NKAIN2: variants seen among roughly 807,000 people sequenced by gnomAD.
NKAIN2 encodes the protein sodium/potassium transporting ATPase interacting 2.
A neutral mutation model predicts 32.6 loss-of-function variants in NKAIN2; 14 were observed. That is an observed-to-expected ratio of 0.43 (90% CI 0.28 to 0.67). NKAIN2 has a LOEUF of 0.67. Among genes scored for constraint, NKAIN2 ranks in the 30% least tolerant of loss-of-function variants. The pLI, the probability that NKAIN2 is intolerant of heterozygous loss-of-function variation, is 0.17. For synonymous variants in NKAIN2, 80 were observed against 87.2 expected, an observed-to-expected ratio of 0.92 and a Z score of 0.46; for missense variants, 198 against 258.3, an observed-to-expected ratio of 0.77 and a Z score of 1.60.
intron 4 of NKAIN2, among the ~76,000 whole-genome samples, chr6:124,679,673 A>G (rs764476790): frequency 7.2e-5 from 11 of 152,184 alleles, no homozygotes; most frequent in Non-Finnish European, 1.3e-4. Flanking sequence ...TTATTCTACC[A>G]TCTGATGATG....
rs567950426 is a variant in NKAIN2, at chr6:124,098,642, G to A, written c.55-184363G>A. 2.9e-4 allele frequency among the ~76,000 whole-genome samples: 44 copies of A among 152,162 alleles called. 1 individual carries two copies. The South Asian group carries it at 7.5e-3, about 26-fold the overall frequency. ...TCCCAGCACTTTGGGAGGACAAGGC[G>A]GGTGGATCATGAGGTCAGGAATTTG... On this transcript the variant is annotated intron_variant, in intron 1 of 6. Coordinates refer to ENST00000368417, the MANE Select transcript of NKAIN2 (RefSeq NM_001040214.3).
chr6:124,165,163 A>G (rs1788470481), intron 1 of NKAIN2, among the ~76,000 whole-genome samples: 1 of 152,080 alleles, frequency 6.6e-6, no homozygotes, highest in Admixed American at 6.6e-5. Context: ...GTATTGGTGA[A>G]AAGCATTTAT....
chr6:123,815,449 C>T (rs79864988), intron 1 of NKAIN2, among the ~76,000 whole-genome samples: 2,556 of 152,186 alleles, frequency 0.017, 32 homozygotes, highest in African/African-American at 0.032. Flanking sequence ...TTTGTTAAAT[C>T]AGAACGTAAA....
chr6:124,113,988 T>C (rs182187686), intron 1 of NKAIN2, among the ~76,000 whole-genome samples: 265 of 152,332 alleles, frequency 1.7e-3, no homozygotes, highest in Non-Finnish European at 3.2e-3. Flanking sequence ...TGTAGGCATA[T>C]GTTTTTATGT....
intron 4 of NKAIN2, among the ~76,000 whole-genome samples, chr6:124,773,908 TC>T (rs1280419818): frequency 6.6e-6 from 1 of 152,126 alleles, no homozygotes; most frequent in Admixed American, 6.6e-5. Flanking sequence ...GCTTCTATTT[TC>T]AAGTAATAAC....
intron 1 of NKAIN2, among the ~76,000 whole-genome samples, chr6:124,108,138 A>G (rs1785203350): frequency 6.6e-6 from 1 of 152,160 alleles, no homozygotes; most frequent in South Asian, 2.1e-4. Context: ...ATTCCCATCC[A>G]CAGTGTACAA....
chr6:124,823,389 CA>C lies in NKAIN2; in HGVS notation c.*161del. 1.5e-6 allele frequency: 1 copy of C among 663,526 alleles called. No individual in the cohort carries two copies. The highest frequency in any genetic ancestry group is 2.7e-6 in the Non-Finnish European group (1 of 367,266). The allele number at this position is 663,526 out of a possible 1,614,324, so 41.1% of individuals were successfully genotyped here. On this transcript the variant is annotated 3_prime_UTR_variant, in exon 7 of 7. Coordinates refer to ENST00000368417, the MANE Select transcript of NKAIN2 (RefSeq NM_001040214.3). ...TCTACATACAACACTGACACACACA[CA>C]CACACACACGTGAGCACGCACACAC...
intron 4 of NKAIN2, among the ~76,000 whole-genome samples, chr6:124,780,058 T>C (rs576634996): frequency 1.3e-5 from 2 of 152,278 alleles, no homozygotes; most frequent in East Asian, 3.9e-4. Context: ...AAAAATATTA[T>C]ATTATGCTCA....
intron 1 of NKAIN2, among the ~76,000 whole-genome samples, chr6:124,187,920 A>G (rs185306295): frequency 1.1e-4 from 16 of 152,310 alleles, no homozygotes; most frequent in Non-Finnish European, 2.1e-4. Context: ...GTTATTCCAT[A>G]AGAATGATGC....
chr6:123,852,316 C>G (rs913326383), intron 1 of NKAIN2, among the ~76,000 whole-genome samples: 22 of 152,098 alleles, frequency 1.4e-4, no homozygotes, highest in East Asian at 3.9e-4. Context: ...AAAATCTACT[C>G]TCTTAGCAAA....
At chr6:124,433,266 C>T (rs1775294259) in intron 3 of NKAIN2, among the ~76,000 whole-genome samples, 1 of 152,162 alleles carries the variant, frequency 6.6e-6, no homozygotes, top group African/African-American at 2.4e-5. Context: ...CTTCACTCTT[C>T]CCCTCTTTCT....
chr6:124,695,212 T>C (rs1470804502), intron 4 of NKAIN2, among the ~76,000 whole-genome samples: 1 of 150,952 alleles, frequency 6.6e-6, no homozygotes, highest in Non-Finnish European at 1.5e-5. Context: ...AGATTTTCAA[T>C]ATGGATGATA....
chr6:124,412,731 G>T (rs1036444510), intron 3 of NKAIN2, among the ~76,000 whole-genome samples: 1 of 152,182 alleles, frequency 6.6e-6, no homozygotes, highest in South Asian at 2.1e-4. Context: ...GTCTGCAGAG[G>T]TTACTGCTGT....
chr6:124,107,341 T>C (rs1489795228), intron 1 of NKAIN2, among the ~76,000 whole-genome samples: 1 of 152,120 alleles, frequency 6.6e-6, no homozygotes, highest in Non-Finnish European at 1.5e-5. Context: ...GTGATTCTAG[T>C]TGATAGGGTA....
At chr6:124,386,094 AC>A (rs1424875921) in intron 3 of NKAIN2, among the ~76,000 whole-genome samples, 1 of 152,090 alleles carries the variant, frequency 6.6e-6, no homozygotes, top group East Asian at 1.9e-4. Flanking sequence ...AGATTAGAAA[AC>A]AGAAAGAAGT....
chr6:123,850,083 C>A (rs1350866127), intron 1 of NKAIN2, among the ~76,000 whole-genome samples: 3 of 151,010 alleles, frequency 2.0e-5, no homozygotes, highest in Non-Finnish European at 4.4e-5. Flanking sequence ...TCTGGGATTA[C>A]AAGCGAGAGC....
chr6:123,848,654 A>G (rs2114951613), intron 1 of NKAIN2, among the ~76,000 whole-genome samples: 1 of 152,286 alleles, frequency 6.6e-6, no homozygotes, highest in Non-Finnish European at 1.5e-5. Context: ...TAGGCAGTTC[A>G]TTATAGCAGT....
At chr6:124,668,346 A>G (rs185418185) in intron 4 of NKAIN2, among the ~76,000 whole-genome samples, 208 of 152,194 alleles carry the variant, frequency 1.4e-3, no homozygotes, top group African/African-American at 4.6e-3. Flanking sequence ...CCTGAAATTT[A>G]TGAGTTATTC....
At chr6:124,741,763 TTA>T (rs1378861765) in intron 4 of NKAIN2, among the ~76,000 whole-genome samples, 2 of 151,862 alleles carry the variant, frequency 1.3e-5, no homozygotes, top group African/African-American at 4.8e-5. Flanking sequence ...CCTACTCCAT[TTA>T]TGTGTCTTTT....
Sources: allele counts gnomAD v4.1 joint callset (sites outside exome capture counted in the v4.1 genomes callset), GRCh38; gene constraint gnomAD v4.1.1; transcripts MANE v1.5; gene names NCBI Gene and HGNC (gene_info 2026-07-23, HGNC 2026-07-21).